TH: variants seen among roughly 807,000 people sequenced by gnomAD.
TH encodes tyrosine hydroxylase.
In TH, 49 loss-of-function variants were observed where a neutral mutation model predicts 57.4. The ratio of observed to expected loss-of-function variants is 0.85; its 90% CI spans 0.68 to 1.08. TH has a LOEUF of 1.08. Among genes scored for constraint, TH ranks in the 50% least tolerant of loss-of-function variants. TH has a pLI of 0.00. For missense variants in TH, 720 were observed against 696.7 expected, an observed-to-expected ratio of 1.03 and a Z score of -0.38; for synonymous variants, 330 against 304.5, an observed-to-expected ratio of 1.08 and a Z score of -0.87.
Position 2,171,790 on chromosome 11 carries a change from TCA to T in TH, c.-6_-5del. The T allele has an allele frequency of 1.2e-6, 2 of 1,610,858 alleles. No homozygotes were observed. The highest frequency in any genetic ancestry group is 1.7e-6 in the Non-Finnish European group (2 of 1,179,652). On this transcript the variant is annotated 5_prime_UTR_variant, in exon 1 of 13. Transcript: ENST00000352909. The surrounding 1 kb of genome is among the most constrained non-coding windows in gnomAD (Gnocchi z 8.6). ...TGGTGGCGTCGGGGGTGGGCATGGC[TCA>T]GTGTGGAGGTCCGGGCTCCGTCTCC...
In TH at chr11:2,165,686, G is replaced by C. The variant is rs1590165799; in HGVS notation, c.1182C>G (p.Ser394=). The part of the protein sequence containing the change: ...EVKAYGAGLL[S]SYGELLHCLS... ...CTCTCACCAGGAGCTCCCCGTAGGA[G>C]GACAGCAGCCCGGCACCATAGGCCT... The change falls in exon 11 of 13, where the codon TCC becomes TCG. Residue 394 remains serine, a synonymous_variant. Coordinates refer to ENST00000352909, the MANE Select transcript of TH (RefSeq NM_000360.4). 1.2e-6 allele frequency: 2 copies of C among 1,612,808 alleles called. No homozygotes were observed. The highest frequency in any genetic ancestry group is 1.7e-6 in the Non-Finnish European group (2 of 1,179,968).
At position 2,171,254 on chromosome 11, in the gene TH, A is replaced by C. The variant is rs1427796906; in HGVS notation, c.90+443T>G. On this transcript the variant is annotated intron_variant, in intron 1 of 12. Coordinates refer to ENST00000352909, the MANE Select transcript of TH (RefSeq NM_000360.4). This position sits in a 1 kb window ranked among gnomAD's most constrained non-coding sequence, Gnocchi z 8.6. ...GGAAGGGCCTTGGGGCTGCCTCCCC[A>C]AGCAGGCAGGCTGGTTGGGGTGCTG... 6.6e-6 allele frequency among the ~76,000 whole-genome samples: 1 copy of C among 151,766 alleles called. No individual in the cohort carries two copies. The highest frequency in any genetic ancestry group is 2.4e-5 in the African/African-American group (1 of 41,312).
chr11:2,165,936 A>G, intron 10 of TH, 66 bp downstream of exon 10: 1 of 1,531,634 alleles, frequency 6.5e-7, no homozygotes, highest in Non-Finnish European at 8.9e-7. Flanking sequence ...GGACGGCAAG[A>G]GGGTGAGGCC....
rs769850622 is a variant in TH, at chr11:2,169,874, G to C, written c.91-3C>G. 6.2e-7 allele frequency: 1 copy of C among 1,607,994 alleles called. No individual in the cohort carries two copies. The highest frequency in any genetic ancestry group is 8.5e-7 in the Non-Finnish European group (1 of 1,178,864). On this transcript the variant is annotated splice_region_variant and splice_polypyrimidine_tract_variant and intron_variant, in intron 1 of 12. Transcript: ENST00000352909. ...CTGCGCCCAATGAACCGCGGGGACT[G>C]TGGGGACAAGGGGCACCCATGCCTC...
Position 2,169,632 on chromosome 11 carries a change from C to G in TH, c.312+18G>C. 1 of 1,612,990 alleles carries G rather than the reference C, an allele frequency of 6.2e-7. No individual in the cohort carries two copies. Among genetic ancestry groups the G allele is most frequent in the Non-Finnish European group, 8.5e-7 (1 of 1,179,474 alleles). ...CACAGGTGAACTTGCCCCAGGGACA[C>G]GAAGGCCACCAGCTCACCTCAAACA... is the stretch of plus-strand genomic sequence containing the variant. On this transcript the variant is annotated intron_variant, in intron 2 of 12. Transcript: ENST00000352909.
rs2133691038 is a variant in TH, at chr11:2,166,005, G to T, written c.1101C>A (p.Ser367=). The change falls in exon 10 of 13, where the codon TCC becomes TCA. Residue 367 remains serine, a synonymous_variant. Coordinates refer to ENST00000352909, the MANE Select transcript of TH (RefSeq NM_000360.4). ...CTGCAGGGAGGGGTCAACCCACCGT[G>T]GACAGCTTCTCAATTTCCTCATCCG... ...GASDEEIEKL[S]TLYWFTVEFG... 1.3e-6 allele frequency: 2 copies of T among 1,561,898 alleles called. No individual in the cohort carries two copies. Among genetic ancestry groups the T allele is most frequent in the East Asian group, 2.3e-5 (1 of 42,568 alleles).
chr11:2,169,999 G>A (rs1042179207), intron 1 of TH, 128 bp from the exon 2 acceptor site: 1 of 985,694 alleles, frequency 1.0e-6, no homozygotes, highest in Non-Finnish European at 1.5e-6. Context: ...ACGTTTTTGA[G>A]CGCCTACTGT....
In TH at chr11:2,166,785, G is replaced by A. The variant is rs991661688; in HGVS notation, c.842-17C>T. On this transcript the variant is annotated splice_polypyrimidine_tract_variant and intron_variant, in intron 7 of 12. Coordinates refer to ENST00000352909, the MANE Select transcript of TH (RefSeq NM_000360.4). ...CCGTGCGCTCTGCAAGGGGCCACGC[G>A]GGTCACTGCCGAGCCGGGACGGGCT... 15 of 1,547,678 alleles carry A rather than the reference G, an allele frequency of 9.7e-6. No homozygotes were observed. In the African/African-American group the frequency reaches 1.5e-4, roughly 16 times the overall value.
chr11:2,170,737 A>G lies in TH; in HGVS notation c.91-866T>C. ...GCAGCTGGGGCTGCAGTTCCAGGCC[A>G]CGGAGAGCCTGTGAGGCTGGGCCCC... On this transcript the variant is annotated intron_variant, in intron 1 of 12. Coordinates refer to ENST00000352909, the MANE Select transcript of TH (RefSeq NM_000360.4). The surrounding 1 kb of genome is among the most constrained non-coding windows in gnomAD (Gnocchi z 6.0). 1 of 1,586,176 alleles carries G rather than the reference A, an allele frequency of 6.3e-7. No individual in the cohort carries two copies. Among genetic ancestry groups the G allele is most frequent in the Non-Finnish European group, 8.6e-7 (1 of 1,168,446 alleles).
Position 2,166,193 on chromosome 11 carries a change from C to T in TH, c.1048-135G>A, listed in dbSNP as rs969271356. ...TGGCGGCAGAGACCTTCCCTGGCCG[C>T]CCAGGATCCGCACCTCCACCGGGCC... is the stretch of plus-strand genomic sequence containing the variant. On this transcript the variant is annotated intron_variant, in intron 9 of 12. Transcript: ENST00000352909. 5.9e-5 allele frequency: 63 copies of T among 1,066,194 alleles called. No individual in the cohort carries two copies. The African/African-American group carries it at 8.0e-4, about 14-fold the overall frequency. The allele number at this position is 1,066,194 out of a possible 1,614,324, so 66.0% of individuals were successfully genotyped here.
At position 2,167,678 on chromosome 11, in the gene TH, GC is replaced by G. The variant is rs973450960; in HGVS notation, c.644+187del. On this transcript the variant is annotated intron_variant, in intron 5 of 12. Coordinates refer to ENST00000352909, the MANE Select transcript of TH (RefSeq NM_000360.4). ...TATGTGGCCTCGGCAGGTTGCTCTA[GC>G]CCCCCTGGGCCTCAGTTTCCCCACT... 13 of 1,064,658 alleles carry G rather than the reference GC, an allele frequency of 1.2e-5. No homozygotes were observed. In the African/African-American group the frequency reaches 1.6e-4, roughly 13 times the overall value. 66.0% of individuals were successfully genotyped at this position (1,064,658 alleles called of 1,614,324 possible).
At chr11:2,167,372 G>T (rs976664681) in intron 6 of TH, 63 bp downstream of exon 6, 3 of 1,531,908 alleles carry the variant, frequency 2.0e-6, no homozygotes, top group Non-Finnish European at 2.7e-6. Flanking sequence ...GCCCTCACAC[G>T]CCAGGATTCC....
chr11:2,165,209 C>T (rs753019982), intron 12 of TH, 23 bp downstream of exon 12: 1 of 1,612,644 alleles, frequency 6.2e-7, no homozygotes, highest in South Asian at 1.1e-5. Context: ...CCATGGGGGG[C>T]TTGCCCTAGC....
Position 2,166,969 on chromosome 11 carries a change from C to G in TH, c.759G>C (p.Glu253Asp), listed in dbSNP as rs769914766. The G allele has an allele frequency of 6.3e-7, 1 of 1,593,962 alleles. No homozygotes were observed. Among genetic ancestry groups the G allele is most frequent in the East Asian group, 2.3e-5 (1 of 43,984 alleles). The change falls in exon 7 of 13, where the codon GAG (glutamate) becomes GAC (aspartate). Residue 253 changes from glutamate (E) to aspartate (D), a missense_variant. Coordinates refer to ENST00000352909, the MANE Select transcript of TH (RefSeq NM_000360.4). Reference protein sequence around the residue: ...YATHACGEHLEAFALLERFSG... With the variant: ...YATHACGEHLDAFALLERFSG... ...TGAAGCGCTCCAGCAAAGCAAAGGC[C>G]TCCAGGTGCTCCCCGCAGGCGTGCG...
Position 2,169,633 on chromosome 11 carries a change from G to C in TH, c.312+17C>G. On this transcript the variant is annotated intron_variant, in intron 2 of 12. Transcript: ENST00000352909. Reference sequence around the variant, plus strand: ...ACAGGTGAACTTGCCCCAGGGACACGAAGGCCACCAGCTCACCTCAAACAC... The same window carrying C: ...ACAGGTGAACTTGCCCCAGGGACACCAAGGCCACCAGCTCACCTCAAACAC... 6.2e-7 allele frequency: 1 copy of C among 1,613,088 alleles called. No homozygotes were observed. The highest frequency in any genetic ancestry group is 1.1e-5 in the South Asian group (1 of 91,072).
rs771796757 is a variant in TH, at chr11:2,170,581, A to G, written c.91-710T>C. ...ATCCCTTGGAGCTGAACTCCCAAGA[A>G]GGCTCTGGGCCCCTTGTAAGAGAAG... On this transcript the variant is annotated intron_variant, in intron 1 of 12. Transcript: ENST00000352909. This position sits in a 1 kb window ranked among gnomAD's most constrained non-coding sequence, Gnocchi z 6.0. 55 of 997,774 alleles carry G rather than the reference A, an allele frequency of 5.5e-5. No homozygotes were observed. The highest frequency in any genetic ancestry group is 1.8e-4 in the Admixed American group (9 of 50,212). The allele number at this position is 997,774 out of a possible 1,614,324, so 61.8% of individuals were successfully genotyped here. A position where few individuals can be genotyped will look rare whatever the true frequency, so the allele number is the denominator to read the frequency against.
Position 2,166,736 on chromosome 11 carries a change from C to T in TH, c.874G>A (p.Gly292Ser), listed in dbSNP as rs1469230581. ...RTGFQLRPVAGLLSARDFLAS... is the reference protein window; with the variant it reads ...RTGFQLRPVASLLSARDFLAS... ...AGGAAGTCCCGGGCGGACAGCAGGC[C>T]GGCCACAGGCCGCAGCTGGAAGCCC... Residue 292 changes from glycine (G) to serine (S), a missense_variant, in exon 8 of 13, where the codon GGC becomes AGC. Gly to Ser is a moderately conservative substitution (Grantham distance 56). Coordinates refer to ENST00000352909, the MANE Select transcript of TH (RefSeq NM_000360.4). 2.6e-6 allele frequency: 4 copies of T among 1,549,892 alleles called. No individual in the cohort carries two copies. The highest frequency in any genetic ancestry group is 2.0e-5 in the Admixed American group (1 of 50,982).
At chr11:2,166,579 G>A (rs903852060) in intron 8 of TH, 30 bp from the exon 9 acceptor site, 1 of 1,590,938 alleles carries the variant, frequency 6.3e-7, no homozygotes, top group Non-Finnish European at 8.5e-7. Flanking sequence ...GGGGGCTGAG[G>A]GGCCGCCCGT....
chr11:2,170,847 T>C lies in TH; in HGVS notation c.90+850A>G. 1 of 647,898 alleles carries C rather than the reference T, an allele frequency of 1.5e-6. No individual in the cohort carries two copies. 40.1% of individuals were successfully genotyped at this position (647,898 alleles called of 1,614,324 possible). A position where few individuals can be genotyped will look rare whatever the true frequency, so the allele number is the denominator to read the frequency against. Reference sequence around the variant, plus strand: ...CGGGGGAGGACGGGGGAGGGCGCCCTGTGTCCCTGAGAAGGTACCTGGAAA... The same window carrying C: ...CGGGGGAGGACGGGGGAGGGCGCCCCGTGTCCCTGAGAAGGTACCTGGAAA... On this transcript the variant is annotated intron_variant, in intron 1 of 12. Transcript: ENST00000352909. The surrounding 1 kb of genome is among the most constrained non-coding windows in gnomAD (Gnocchi z 6.0).
Sources: gnomAD v4.1 joint callset for allele counts (sites outside exome capture counted in the v4.1 genomes callset) on GRCh38, gnomAD v4.1.1 for gene constraint, Gnocchi (gnomAD v3.1) non-coding constraint, MANE v1.5 for transcripts, NCBI Gene and HGNC (gene_info 2026-07-23, HGNC 2026-07-21) for gene names.